Variants in TRIM61 observed in about 807,000 individuals in gnomAD.
TRIM61 encodes putative tripartite motif-containing protein 61.
In TRIM61, 1 loss-of-function variant was observed where a neutral mutation model predicts 14.2. The observed-to-expected ratio is 0.07, with a 90% CI of 0.03 to 0.33. The LOEUF is 0.33. Ranked by LOEUF, TRIM61 falls within the 10% of genes least tolerant of loss-of-function variation. TRIM61 has a pLI of 0.99. For missense variants in TRIM61, 19 were observed against 202.2 expected (o/e 0.09, Z 5.49); for synonymous variants, 8 against 71.6 (o/e 0.11, Z 4.49).
At chr4:164,961,593 G>GA (rs1401164368) in intron 3 of TRIM61, among the ~76,000 whole-genome samples, 43 of 147,118 alleles carry the variant, frequency 2.9e-4, no homozygotes, top group South Asian at 1.1e-3. Context: ...AGAAATATTT[G>GA]AAAAAAAAAT....
intron 3 of TRIM61, chr4:164,968,948 C>T (rs1366017701): frequency 1.0e-6 from 1 of 1,002,726 alleles, no homozygotes; most frequent in Admixed American, 5.4e-5. Flanking sequence ...TTCTACTTCC[C>T]AGTACTGCCT....
chr4:164,972,986 C>T (rs530785145), intron 2 of TRIM61, among the ~76,000 whole-genome samples: 51 of 152,246 alleles, frequency 3.3e-4, no homozygotes, highest in African/African-American at 9.9e-4. Context: ...AAGTACTTAA[C>T]GAAAACAAAC....
chr4:164,971,319 C>T (rs976196098), intron 2 of TRIM61, among the ~76,000 whole-genome samples: 6 of 151,480 alleles, frequency 4.0e-5, no homozygotes, highest in Admixed American at 6.6e-5. Context: ...TAGCCGAGTG[C>T]GGTGGCTCAC....
intron 3 of TRIM61, among the ~76,000 whole-genome samples, chr4:164,961,691 A>T (rs1246097097): frequency 1.3e-5 from 2 of 152,170 alleles, no homozygotes; most frequent in African/African-American, 4.8e-5. Flanking sequence ...CACCAAAAAA[A>T]CCCCAAAACA....
chr4:164,957,647 G>C, intron 3 of TRIM61: 1 of 915,904 alleles, frequency 1.1e-6, no homozygotes, highest in Non-Finnish European at 1.6e-6. Flanking sequence ...ATTAGAGGAA[G>C]AGATTAAACT....
At chr4:164,963,299 G>A (rs1461453372) in intron 3 of TRIM61, among the ~76,000 whole-genome samples, 3 of 152,224 alleles carry the variant, frequency 2.0e-5, no homozygotes, top group Non-Finnish European at 1.5e-5. Flanking sequence ...CCAGGAGTTT[G>A]AGACCAACCT....
rs538822731 is a variant in TRIM61 at position 164,964,893 on chromosome 4, T to C, written c.525+4585A>G. 5.1e-4 allele frequency among the ~76,000 whole-genome samples: 78 copies of C among 152,350 alleles called. No individual in the cohort carries two copies. The South Asian group carries it at 8.5e-3, about 17-fold the overall frequency. ...ATAGATCCTCGAATATATCAGTTGA[T>C]CCATGTATCTCTAATAACACTTATT... is the stretch of plus-strand genomic sequence containing the variant. On this transcript the variant is annotated intron_variant, in intron 3 of 4. Coordinates refer to ENST00000329314, the MANE Select transcript of TRIM61 (RefSeq NM_001012414.3).
chr4:164,963,274 G>A (rs185320819), intron 3 of TRIM61, among the ~76,000 whole-genome samples: 49 of 152,180 alleles, frequency 3.2e-4, no homozygotes, highest in Non-Finnish European at 3.1e-4. Flanking sequence ...TCCATGGTGG[G>A]TGGATCACTT....
intron 2 of TRIM61, among the ~76,000 whole-genome samples, chr4:164,974,793 G>A (rs1248305357): frequency 1.3e-5 from 2 of 152,144 alleles, no homozygotes; most frequent in African/African-American, 2.4e-5. Context: ...CACACTAAGC[G>A]TGGCTATGGT....
chr4:164,964,109 G>A (rs1732189901), intron 3 of TRIM61, among the ~76,000 whole-genome samples: 1 of 151,906 alleles, frequency 6.6e-6, no homozygotes, highest in African/African-American at 2.4e-5. Flanking sequence ...CAGCACTTTG[G>A]GAGGCCGAGG....
In TRIM61 at chr4:164,957,552, A is replaced by C. The variant is rs1162452424; in HGVS notation, c.526-2456T>G. 2.6e-6 allele frequency: 4 copies of C among 1,524,358 alleles called. No homozygotes were observed. The East Asian group carries it at 9.1e-5, about 35-fold the overall frequency. 94.4% of individuals were successfully genotyped at this position (1,524,358 alleles called of 1,614,324 possible). A position where few individuals can be genotyped will look rare whatever the true frequency, so the allele number is the denominator to read the frequency against. On this transcript the variant is annotated intron_variant, in intron 3 of 4. Coordinates refer to ENST00000329314, the MANE Select transcript of TRIM61 (RefSeq NM_001012414.3). ...GGGACATCTGACATCTGAAACAGCA[A>C]GTGTAAAATGCTTTAAATAAGCCAA... is the stretch of plus-strand genomic sequence containing the variant.
intron 3 of TRIM61, among the ~76,000 whole-genome samples, chr4:164,960,395 AAG>A (rs1301177373): frequency 7.2e-5 from 11 of 151,880 alleles, no homozygotes; most frequent in African/African-American, 2.7e-4. Context: ...ATACAAAAAA[AAG>A]AAAAAAAAAT....
chr4:164,961,262 G>A (rs1326628224), intron 3 of TRIM61, among the ~76,000 whole-genome samples: 1 of 146,458 alleles, frequency 6.8e-6, no homozygotes, highest in Non-Finnish European at 1.5e-5. Flanking sequence ...TGCAGAGTCA[G>A]ATAGATAATT....
intron 2 of TRIM61, among the ~76,000 whole-genome samples, chr4:164,973,988 G>A (rs1732426544): frequency 6.6e-6 from 1 of 152,222 alleles, no homozygotes; most frequent in South Asian, 2.1e-4. Context: ...TGGCCAACAT[G>A]GTAAAACCTT....
intron 2 of TRIM61, among the ~76,000 whole-genome samples, chr4:164,975,786 T>TC (rs59852682): frequency 0.46 from 69,798 of 151,726 alleles, 16,698 homozygotes; most frequent in East Asian, 0.71. Context: ...GACCTGACTG[T>TC]CCCCAGCCTG....
intron 2 of TRIM61, among the ~76,000 whole-genome samples, chr4:164,972,921 C>T (rs1732400636): frequency 6.6e-6 from 1 of 152,172 alleles, no homozygotes; most frequent in African/African-American, 2.4e-5. Flanking sequence ...TCACCCTTAG[C>T]TCGCCATTCA....
intron 3 of TRIM61, chr4:164,968,878 C>A (rs1201120681): frequency 2.0e-6 from 2 of 988,640 alleles, no homozygotes; most frequent in African/African-American, 3.5e-5. Flanking sequence ...GTTGACTCTT[C>A]CTCCTTCTGG....
chr4:164,963,518 CA>C (rs1205400925), intron 3 of TRIM61, among the ~76,000 whole-genome samples: 6 of 151,990 alleles, frequency 3.9e-5, no homozygotes. Flanking sequence ...CCAAGGCACG[CA>C]GATCACCTGA....
At chr4:164,963,121 C>T (rs988813320) in intron 3 of TRIM61, among the ~76,000 whole-genome samples, 1 of 152,162 alleles carries the variant, frequency 6.6e-6, no homozygotes, top group African/African-American at 2.4e-5. Context: ...TGGAGTGCAC[C>T]TGTAGTCCCA....
Sources: gnomAD v4.1 joint callset for allele counts (sites outside exome capture counted in the v4.1 genomes callset) on GRCh38, gnomAD v4.1.1 for gene constraint, MANE v1.5 for transcripts, NCBI Gene and HGNC (gene_info 2026-07-23, HGNC 2026-07-21) for gene names.